MMP26: variants seen among roughly 807,000 people sequenced by gnomAD.
The protein encoded by MMP26 is matrix metalloproteinase-26.
MMP26 carries 33 observed loss-of-function variants against 31.0 expected under a neutral mutation model. The ratio of observed to expected loss-of-function variants is 1.06; its 90% CI spans 0.81 to 1.42. The LOEUF (loss-of-function observed/expected upper bound fraction) is 1.42, where lower values mean the gene tolerates loss of function less well. MMP26 is among the 40% of genes most tolerant of loss of function. The probability of loss-of-function intolerance (pLI) is 0.00; values close to 1 mark genes in which losing one functional copy is unlikely to be tolerated. For synonymous variants in MMP26, 122 were observed against 114.9 expected, an observed-to-expected ratio of 1.06 and a Z score of -0.40; for missense variants, 347 against 316.1, an observed-to-expected ratio of 1.10 and a Z score of -0.74.
chr11:4,935,850 T>C (rs1851432050), intron 2 of MMP26, among the ~76,000 whole-genome samples: 2 of 151,456 alleles, frequency 1.3e-5, no homozygotes, highest in South Asian at 4.2e-4. Context: ...GATTTTTGTC[T>C]TTGGCTCTGT....
At chr11:4,914,533 T>G (rs1589937337) in intron 2 of MMP26, 7 of 537,038 alleles carry the variant, frequency 1.3e-5, no homozygotes, top group Non-Finnish European at 1.6e-5. Flanking sequence ...TACCACATCA[T>G]ATTACATTTT....
rs192739422 is a variant in MMP26, at chr11:4,948,243, A to C, written c.-144-39825A>C. Among the ~76,000 whole-genome samples the C allele has an allele frequency of 2.1e-4, 26 of 125,544 alleles. 6 individuals are homozygous for C. The East Asian group carries it at 3.6e-3, about 17-fold the overall frequency. The allele number at this position is 125,544 out of a possible 152,430, so 82.4% of individuals were successfully genotyped here. A position where few individuals can be genotyped will look rare whatever the true frequency, so the allele number is the denominator to read the frequency against. ...CTTTGTCTTACACACAATAATGACC[A>C]ATATTTCTTAGAAAATTAAATTGTT... On this transcript the variant is annotated intron_variant, in intron 2 of 7. Transcript: ENST00000380390.
intron 2 of MMP26, among the ~76,000 whole-genome samples, chr11:4,780,918 T>A (rs1848850131): frequency 6.6e-6 from 1 of 152,010 alleles, no homozygotes; most frequent in East Asian, 1.9e-4. Context: ...TAAATTTACA[T>A]ATTTAATTAC....
chr11:4,944,839 A>G (rs1486054623), intron 2 of MMP26: 8 of 152,124 alleles, frequency 5.3e-5, no homozygotes, highest in Non-Finnish European at 8.8e-5. Flanking sequence ...TGAAATAGAC[A>G]ATTTAAAAAA....
chr11:4,798,730 T>C (rs1849141926), intron 2 of MMP26, among the ~76,000 whole-genome samples: 1 of 152,228 alleles, frequency 6.6e-6, no homozygotes, highest in African/African-American at 2.4e-5. Flanking sequence ...AGATGGGTTC[T>C]AAGGAAGAGA....
At chr11:4,892,016 G>A (rs1002310083) in intron 2 of MMP26, among the ~76,000 whole-genome samples, 5 of 151,954 alleles carry the variant, frequency 3.3e-5, no homozygotes, top group Admixed American at 6.6e-5. Flanking sequence ...CAGAGACAAT[G>A]AGGCTGCAAG....
intron 2 of MMP26, chr11:4,907,531 G>C: frequency 1.2e-6 from 2 of 1,613,992 alleles, no homozygotes; most frequent in Non-Finnish European, 1.7e-6. Context: ...CAGAGCCCTC[G>C]CTTCATGAGC....
chr11:4,706,927 G>A (rs1410316916), intron 1 of MMP26, among the ~76,000 whole-genome samples: 2 of 152,170 alleles, frequency 1.3e-5, no homozygotes, highest in Non-Finnish European at 2.9e-5. Context: ...TTTTAAGGTT[G>A]AATAGTATTC....
intron 1 of MMP26, chr11:4,752,033 A>G (rs1351909320): frequency 6.6e-6 from 1 of 152,158 alleles, no homozygotes; most frequent in Non-Finnish European, 1.5e-5. Context: ...AGTACATGTT[A>G]AATATGAATT....
chr11:4,851,745 T>C (rs1249708535), intron 2 of MMP26, among the ~76,000 whole-genome samples: 1 of 152,012 alleles, frequency 6.6e-6, no homozygotes, highest in Non-Finnish European at 1.5e-5. Flanking sequence ...GTTAATATTA[T>C]TCTGAAGTAA....
chr11:4,794,048 T>C (rs1319452479), intron 2 of MMP26: 2 of 152,166 alleles, frequency 1.3e-5, no homozygotes, highest in Non-Finnish European at 2.9e-5. Context: ...CTGCAATGTC[T>C]GATATCTGTG....
chr11:4,907,749 A>G lies in MMP26; in HGVS notation c.-144-80319A>G, dbSNP rs551503798. On this transcript the variant is annotated intron_variant, in intron 2 of 7. Coordinates refer to ENST00000380390, the MANE Select transcript of MMP26 (RefSeq NM_021801.5). ...TCTTTGGACCGCTTTCTTGCCATTCACAATCCCTTAAGATACAGTTCTATC... is the reference window on the plus strand; with the variant it reads ...TCTTTGGACCGCTTTCTTGCCATTCGCAATCCCTTAAGATACAGTTCTATC... 3.0e-5 allele frequency: 49 copies of G among 1,614,054 alleles called. 1 individual carries two copies. In the South Asian group the frequency reaches 3.7e-4, roughly 12 times the overall value.
intron 2 of MMP26, among the ~76,000 whole-genome samples, chr11:4,884,490 G>A (rs1850522014): frequency 6.6e-6 from 1 of 152,112 alleles, no homozygotes; most frequent in South Asian, 2.1e-4. Context: ...AGAAGCCAAA[G>A]ATATATCTAG....
chr11:4,762,260 G>A (rs1175207387), intron 1 of MMP26, among the ~76,000 whole-genome samples: 2 of 152,092 alleles, frequency 1.3e-5, no homozygotes, highest in African/African-American at 4.8e-5. Context: ...CACAATAGAA[G>A]TCATTTTATC....
intron 2 of MMP26, chr11:4,848,915 G>C (rs868370202): frequency 3.1e-6 from 5 of 1,614,094 alleles, no homozygotes; most frequent in Non-Finnish European, 4.2e-6. Flanking sequence ...CAGGGACAGT[G>C]TGAGCACCAG....
intron 2 of MMP26, among the ~76,000 whole-genome samples, chr11:4,979,590 T>A (rs1449153532): frequency 1.3e-5 from 2 of 152,150 alleles, no homozygotes; most frequent in African/African-American, 4.8e-5. Context: ...TCCAAATGTC[T>A]GGGGCTAATA....
At chr11:4,861,569 A>T (rs779785977) in intron 2 of MMP26, among the ~76,000 whole-genome samples, 1 of 151,984 alleles carries the variant, frequency 6.6e-6, no homozygotes, top group Non-Finnish European at 1.5e-5. Flanking sequence ...TATGCAAATG[A>T]CACATTATTG....
intron 1 of MMP26, among the ~76,000 whole-genome samples, chr11:4,705,555 T>C (rs1032015046): frequency 4.6e-5 from 7 of 152,248 alleles, no homozygotes; most frequent in African/African-American, 1.4e-4. Context: ...GTTTAAGTTA[T>C]AGGCTCTGTC....
At chr11:4,817,934 G>A (rs12276131) in intron 2 of MMP26, among the ~76,000 whole-genome samples, 62,261 of 151,962 alleles carry the variant, frequency 0.41, 13,958 homozygotes, top group South Asian at 0.57. Context: ...TAAGGTATGA[G>A]AGCATGAGAA....
Sources: allele counts gnomAD v4.1 joint callset (sites outside exome capture counted in the v4.1 genomes callset), GRCh38; gene constraint gnomAD v4.1.1; transcripts MANE v1.5; gene names NCBI Gene and HGNC (gene_info 2026-07-23, HGNC 2026-07-21).